C8orf34: variants seen among roughly 807,000 people sequenced by gnomAD.
C8orf34 encodes uncharacterized protein C8orf34.
C8orf34 carries 65 observed loss-of-function variants against 68.3 expected under a neutral mutation model. The observed-to-expected ratio is 0.95, with a 90% CI of 0.78 to 1.17. The LOEUF (loss-of-function observed/expected upper bound fraction) is 1.17, where lower values mean the gene tolerates loss of function less well. C8orf34 is among the 50% of genes most tolerant of loss of function. The pLI is 0.00. For missense variants in C8orf34, 664 were observed against 655.4 expected, an observed-to-expected ratio of 1.01 and a Z score of -0.14; for synonymous variants, 244 against 241.2, an observed-to-expected ratio of 1.01 and a Z score of -0.11.
chr8:68,716,605 C>T (rs1349670462), intron 9 of C8orf34, among the ~76,000 whole-genome samples: 3 of 151,896 alleles, frequency 2.0e-5, no homozygotes, highest in African/African-American at 7.2e-5. Context: ...TTTTCTTTTA[C>T]AACCTTTTGA....
intron 3 of C8orf34, among the ~76,000 whole-genome samples, chr8:68,453,844 T>G (rs1228800328): frequency 6.6e-6 from 1 of 152,050 alleles, no homozygotes; most frequent in Non-Finnish European, 1.5e-5. Flanking sequence ...GGTATCCTTT[T>G]CTCATTATTC....
At chr8:68,596,177 G>A (rs1817541380) in intron 7 of C8orf34, among the ~76,000 whole-genome samples, 1 of 152,040 alleles carries the variant, frequency 6.6e-6, no homozygotes, top group African/African-American at 2.4e-5. Flanking sequence ...TGGGCAAAGG[G>A]AAAAGGCTAG....
intron 1 of C8orf34, 51 bp downstream of exon 1, chr8:68,331,390 C>A: frequency 6.6e-7 from 1 of 1,507,344 alleles, no homozygotes; most frequent in Non-Finnish European, 8.9e-7. Context: ...GGAAGGGGTG[C>A]AGTAATGAAA....
chr8:68,804,065 G>A (rs904837022), intron 12 of C8orf34, among the ~76,000 whole-genome samples: 1 of 152,162 alleles, frequency 6.6e-6, no homozygotes, highest in Non-Finnish European at 1.5e-5. Context: ...TGTATCTGCA[G>A]TGGTAATGAA....
At chr8:68,763,486 C>T (rs1823079094) in intron 10 of C8orf34, among the ~76,000 whole-genome samples, 1 of 152,044 alleles carries the variant, frequency 6.6e-6, no homozygotes. Context: ...TTTTTGTTCA[C>T]CTGTGTTTTT....
chr8:68,809,204 A>G (rs1440914041), intron 12 of C8orf34, among the ~76,000 whole-genome samples: 1 of 152,182 alleles, frequency 6.6e-6, no homozygotes, highest in Non-Finnish European at 1.5e-5. Context: ...AGTAAAGGCA[A>G]ATGCTCTCCT....
intron 11 of C8orf34, among the ~76,000 whole-genome samples, chr8:68,778,756 A>C (rs1338120033): frequency 2.0e-5 from 3 of 152,184 alleles, no homozygotes; most frequent in African/African-American, 7.2e-5. Flanking sequence ...ACATCACAGA[A>C]ATCTTAGTTT....
chr8:68,451,146 CA>C (rs1288531891), intron 3 of C8orf34, among the ~76,000 whole-genome samples: 11 of 152,018 alleles, frequency 7.2e-5, no homozygotes, highest in African/African-American at 2.7e-4. Flanking sequence ...TGCTAGCTTT[CA>C]AATTTTCTTC....
At chr8:68,650,775 G>C (rs1463598828) in intron 8 of C8orf34, among the ~76,000 whole-genome samples, 2 of 152,012 alleles carry the variant, frequency 1.3e-5, no homozygotes, top group Non-Finnish European at 2.9e-5. Flanking sequence ...CACCGCACCC[G>C]GCCCACCCTA....
intron 9 of C8orf34, among the ~76,000 whole-genome samples, chr8:68,714,277 G>T (rs1436186298): frequency 6.6e-6 from 1 of 152,158 alleles, no homozygotes; most frequent in Non-Finnish European, 1.5e-5. Flanking sequence ...AGTACTGGAA[G>T]TCCTAGCCAG....
At chr8:68,780,122 G>A (rs574271635) in intron 11 of C8orf34, among the ~76,000 whole-genome samples, 1 of 152,216 alleles carries the variant, frequency 6.6e-6, no homozygotes, top group South Asian at 2.1e-4. Flanking sequence ...CTATCCATAG[G>A]ATAACACTCT....
At chr8:68,694,837 C>T (rs1356528262) in intron 8 of C8orf34, among the ~76,000 whole-genome samples, 3 of 151,956 alleles carry the variant, frequency 2.0e-5, no homozygotes, top group African/African-American at 4.8e-5. Context: ...AATTTGATCA[C>T]AGTGCCTAAA....
At chr8:68,463,168 C>T (rs1304075445) in intron 3 of C8orf34, among the ~76,000 whole-genome samples, 11 of 151,054 alleles carry the variant, frequency 7.3e-5, no homozygotes, top group Admixed American at 2.6e-4. Flanking sequence ...AACACCTCTG[C>T]GCAAATAAAC....
At chr8:68,628,761 C>G (rs1818609030) in intron 7 of C8orf34, among the ~76,000 whole-genome samples, 1 of 152,156 alleles carries the variant, frequency 6.6e-6, no homozygotes. Flanking sequence ...ATTCACTCAT[C>G]TCCCACATTG....
At chr8:68,626,390 A>T (rs958283988) in intron 7 of C8orf34, among the ~76,000 whole-genome samples, 2 of 152,228 alleles carry the variant, frequency 1.3e-5, no homozygotes, top group Admixed American at 6.5e-5. Flanking sequence ...TTTGTGTTGT[A>T]TATAAAGTAA....
At chr8:68,677,149 A>C (rs1585714388) in intron 8 of C8orf34, among the ~76,000 whole-genome samples, 6 of 152,224 alleles carry the variant, frequency 3.9e-5, no homozygotes, top group Admixed American at 3.3e-4. Flanking sequence ...CAAACACATG[A>C]AAATTAAACA....
At chr8:68,769,067 CAT>C (rs1341176965) in intron 10 of C8orf34, among the ~76,000 whole-genome samples, 1 of 151,968 alleles carries the variant, frequency 6.6e-6, no homozygotes, top group Non-Finnish European at 1.5e-5. Flanking sequence ...TAGAATATAT[CAT>C]GTGGTAGTCA....
At chr8:68,724,489 GCTTA>G (rs1365860962) in intron 10 of C8orf34, among the ~76,000 whole-genome samples, 1 of 152,088 alleles carries the variant, frequency 6.6e-6, no homozygotes, top group East Asian at 1.9e-4. Flanking sequence ...TTTCCTAGTG[GCTTA>G]CCCTGTGCTT....
chr8:68,468,981 A>T (rs753562263), intron 4 of C8orf34, among the ~76,000 whole-genome samples, 161 bp downstream of exon 4: 6 of 152,078 alleles, frequency 3.9e-5, no homozygotes, highest in African/African-American at 7.2e-5. Flanking sequence ...TTGATTTTGC[A>T]TATTATACAG....
Sources: allele counts gnomAD v4.1 joint callset (sites outside exome capture counted in the v4.1 genomes callset), GRCh38; gene constraint gnomAD v4.1.1; transcripts MANE v1.5; gene names NCBI Gene and HGNC (gene_info 2026-07-23, HGNC 2026-07-21).